The following SLC12A3 variants were observed in gnomAD, a reference collection of about 807,000 sequenced individuals.
The protein encoded by SLC12A3 is Na-Cl cotransporter.
SLC12A3 carries 104 observed loss-of-function variants against 121.0 expected under a neutral mutation model. That is an observed-to-expected ratio of 0.86 (90% CI 0.73 to 1.01). The LOEUF is 1.01. Ranked by LOEUF, SLC12A3 falls within the 50% of genes least tolerant of loss-of-function variation. SLC12A3 has a pLI of 0.00. For missense variants in SLC12A3, 1,328 were observed against 1,356.3 expected (o/e 0.98, Z 0.33); for synonymous variants, 536 against 533.4 (o/e 1.00, Z -0.07).
chr16:56,899,534 A>G lies in SLC12A3; in HGVS notation c.2638A>G (p.Ile880Val), dbSNP rs761132739. ...NRMDQERKAI[I>V]SLLSKFRLGF... The stretch of plus-strand genomic sequence containing the variant: ...AACCCTCCATGTGTCCTCCAGGATC[A>G]TTTCTCTGCTGAGCAAGTTCCGACT... Residue 880 changes from isoleucine to valine, a missense_variant, in exon 23 of 26, where the codon ATT becomes GTT. Ile to Val is a conservative substitution (Grantham distance 29, BLOSUM62 3). Coordinates refer to ENST00000563236, the MANE Select transcript of SLC12A3 (RefSeq NM_001126108.2). 1 of 1,613,024 alleles carries G rather than the reference A, an allele frequency of 6.2e-7. No individual in the cohort carries two copies. The highest frequency in any genetic ancestry group is 8.5e-7 in the Non-Finnish European group (1 of 1,178,942).
At position 56,887,003 on chromosome 16, in the gene SLC12A3, C is replaced by CTG. The variant is rs1567437950; in HGVS notation, c.2088_2089insTG (p.Thr697Ter). 1 of 1,613,936 alleles carries CTG rather than the reference C, an allele frequency of 6.2e-7. No homozygotes were observed. Among genetic ancestry groups the CTG allele is most frequent in the Admixed American group, 1.7e-5 (1 of 60,008 alleles). On this transcript the variant is annotated frameshift_variant, in exon 17 of 26. Coordinates refer to ENST00000563236, the MANE Select transcript of SLC12A3 (RefSeq NM_001126108.2). LOFTEE classifies it high-confidence loss of function. ...AGCTCCAGCTCATCGCCAACGGGCACACCAAGTGGCTGAACAAGAGGAAGA... is the reference window on the plus strand; with the variant it reads ...AGCTCCAGCTCATCGCCAACGGGCACTGACCAAGTGGCTGAACAAGAGGAAGA...
intron 23 of SLC12A3, among the ~76,000 whole-genome samples, 191 bp downstream of exon 23, chr16:56,899,807 G>A (rs2055514561): frequency 6.6e-6 from 1 of 152,242 alleles, no homozygotes; most frequent in African/African-American, 2.4e-5. Context: ...GGGGCTGAGG[G>A]GACCACAGGG....
chr16:56,911,683 TC>T (rs5817081), intron 25 of SLC12A3, among the ~76,000 whole-genome samples: 63,614 of 151,856 alleles, frequency 0.42, 14,311 homozygotes, highest in African/African-American at 0.6. Context: ...GGATGGAACT[TC>T]CAAGTGTGAC....
At chr16:56,899,065 C>T (rs151152986) in intron 22 of SLC12A3, among the ~76,000 whole-genome samples, 1 of 152,310 alleles carries the variant, frequency 6.6e-6, no homozygotes, top group African/African-American at 2.4e-5. Flanking sequence ...ATTACTTTTC[C>T]GTTTCACTTG....
chr16:56,880,580 G>A lies in SLC12A3; in HGVS notation c.1567+327G>A, dbSNP rs376428431. On this transcript the variant is annotated intron_variant, in intron 12 of 25. Coordinates refer to ENST00000563236, the MANE Select transcript of SLC12A3 (RefSeq NM_001126108.2). ...TGGCAGCTAGCATCCCCCTCCCCAGGCCTAAATGAACCCCAGAACACCTTT... is the reference window on the plus strand; with the variant it reads ...TGGCAGCTAGCATCCCCCTCCCCAGACCTAAATGAACCCCAGAACACCTTT... Among the ~76,000 whole-genome samples the A allele has an allele frequency of 1.8e-4, 28 of 152,086 alleles. 2 individuals are homozygous for A. The highest frequency in any genetic ancestry group is 1.4e-3 in the Admixed American group (22 of 15,258).
chr16:56,912,402 C>A (rs2055698123), intron 25 of SLC12A3, among the ~76,000 whole-genome samples: 1 of 152,236 alleles, frequency 6.6e-6, no homozygotes, highest in Admixed American at 6.5e-5. Flanking sequence ...ACAGTTAAGA[C>A]AAGGGGCCTC....
intron 20 of SLC12A3, among the ~76,000 whole-genome samples, chr16:56,892,609 ATCAC>A (rs770399881): frequency 1.3e-4 from 20 of 152,168 alleles, no homozygotes; most frequent in Admixed American, 2.0e-4. Flanking sequence ...CTCTCCCACC[ATCAC>A]TCCGGGAGAC....
At chr16:56,891,913 C>CGGGCAGGAGGCAGGTCAGAGGG (rs1422893066) in intron 19 of SLC12A3, among the ~76,000 whole-genome samples, 170 bp from the exon 20 acceptor site, 1 of 152,130 alleles carries the variant, frequency 6.6e-6, no homozygotes, top group South Asian at 2.1e-4. Context: ...TGTGAGGAGC[C>CGGGCAGGAGGCAGGTCAGAGGG]GGGCAGGAGG....
rs1234889876 is a variant in SLC12A3 at position 56,908,175 on chromosome 16, T to TC, written c.2924+3713_2924+3714insC. ...TAGTGATATAACTTTTTTTTTTTTT[T>TC]TTTTTGAGGCAGAGTCACTCTGTCA... On this transcript the variant is annotated intron_variant, in intron 25 of 25. Coordinates refer to ENST00000563236, the MANE Select transcript of SLC12A3 (RefSeq NM_001126108.2). 5.5e-4 allele frequency among the ~76,000 whole-genome samples: 81 copies of TC among 147,528 alleles called. 2 individuals carry two copies. The highest frequency in any genetic ancestry group is 9.1e-4 in the Non-Finnish European group (61 of 66,938).
intron 25 of SLC12A3, among the ~76,000 whole-genome samples, chr16:56,907,500 C>A (rs1423404405): frequency 6.6e-6 from 1 of 152,340 alleles, no homozygotes; most frequent in South Asian, 2.1e-4. Flanking sequence ...CAGCAGTTTT[C>A]AGAAATCATG....
At chr16:56,909,089 AT>A (rs1230396848) in intron 25 of SLC12A3, among the ~76,000 whole-genome samples, 1 of 152,222 alleles carries the variant, frequency 6.6e-6, no homozygotes, top group Non-Finnish European at 1.5e-5. Context: ...TCATGCTAAC[AT>A]GCTGTGATTC....
In SLC12A3 at chr16:56,914,831, G is replaced by A. The variant is rs1378146101; in HGVS notation, c.*1426G>A. On this transcript the variant is annotated 3_prime_UTR_variant, in exon 26 of 26. Coordinates refer to ENST00000563236, the MANE Select transcript of SLC12A3 (RefSeq NM_001126108.2). Reference sequence around the variant, plus strand: ...GTGTAGAGATGGCAAGGTTGGCAAGGAACAGATAGGCAGGAGCAGGTCCAA... The same window carrying A: ...GTGTAGAGATGGCAAGGTTGGCAAGAAACAGATAGGCAGGAGCAGGTCCAA... 1 of 152,104 alleles carries A rather than the reference G, an allele frequency of 6.6e-6. No homozygotes were observed. Among genetic ancestry groups the A allele is most frequent in the African/African-American group, 2.4e-5 (1 of 41,314 alleles). The allele number at this position is 152,104 out of a possible 1,614,324, so 9.4% of individuals were successfully genotyped here.
chr16:56,901,680 G>A (rs1468858802), intron 23 of SLC12A3, among the ~76,000 whole-genome samples: 11 of 138,018 alleles, frequency 8.0e-5, no homozygotes, highest in African/African-American at 2.7e-4. Flanking sequence ...GAGTCACATC[G>A]CACAGAAGAC....
At position 56,867,116 on chromosome 16, in the gene SLC12A3, G is replaced by A. The variant is rs776015139; in HGVS notation, c.329G>A (p.Ser110Asn). ...LHALAFDSRPSHEMTDGLVEG... is the reference protein window; with the variant it reads ...LHALAFDSRPNHEMTDGLVEG... ...GCCCTGGCCTTTGACAGCCGGCCCA[G>A]CCACGAGATGACTGATGGGCTGGTG... Residue 110 changes from serine to asparagine, a missense_variant, in exon 2 of 26, where the codon AGC (serine) becomes AAC (asparagine). Ser to Asn is a conservative substitution (Grantham distance 46). Coordinates refer to ENST00000563236, the MANE Select transcript of SLC12A3 (RefSeq NM_001126108.2). 1 of 1,614,032 alleles carries A rather than the reference G, an allele frequency of 6.2e-7. No individual in the cohort carries two copies. Among genetic ancestry groups the A allele is most frequent in the South Asian group, 1.1e-5 (1 of 91,086 alleles).
chr16:56,890,352 G>T lies in SLC12A3; in HGVS notation c.2364G>T (p.Ala788=). ...TCAACGTGTCCAAGATGATGCAGGC[G>T]CACAGTGAGTACATGCCCCACCCAC... The part of the protein sequence containing the change: ...EGLNVSKMMQ[A]HINPVFDPAE... Residue 788 remains alanine, a synonymous_variant, in exon 19 of 26, where the codon GCG becomes GCT. Transcript: ENST00000563236. 2 of 1,613,538 alleles carry T rather than the reference G, an allele frequency of 1.2e-6. No homozygotes were observed. Among genetic ancestry groups the T allele is most frequent in the Non-Finnish European group, 1.7e-6 (2 of 1,179,458 alleles).
Position 56,913,949 on chromosome 16 carries a change from G to C in SLC12A3, c.*544G>C, listed in dbSNP as rs1444498562. 6.5e-6 allele frequency: 1 copy of C among 153,074 alleles called. No homozygotes were observed. Among genetic ancestry groups the C allele is most frequent in the Non-Finnish European group, 1.5e-5 (1 of 68,888 alleles). 9.5% of individuals were successfully genotyped at this position (153,074 alleles called of 1,614,324 possible). A position where few individuals can be genotyped will look rare whatever the true frequency, so the allele number is the denominator to read the frequency against. On this transcript the variant is annotated 3_prime_UTR_variant, in exon 26 of 26. Coordinates refer to ENST00000563236, the MANE Select transcript of SLC12A3 (RefSeq NM_001126108.2). Reference sequence around the variant, plus strand: ...TTTTTTAGATGAAGTTTTTTCTCTTGTTGCCCAGGCTAGGGTGTAATGGCA... The same window carrying C: ...TTTTTTAGATGAAGTTTTTTCTCTTCTTGCCCAGGCTAGGGTGTAATGGCA...
At chr16:56,883,927 G>C in intron 13 of SLC12A3, 122 bp from the exon 14 acceptor site, 1 of 1,080,562 alleles carries the variant, frequency 9.3e-7, no homozygotes. Flanking sequence ...TGGCTGGTGG[G>C]TACAGGCTGG....
intron 25 of SLC12A3, among the ~76,000 whole-genome samples, chr16:56,908,981 A>G (rs752080182): frequency 3.3e-5 from 5 of 152,212 alleles, no homozygotes; most frequent in Non-Finnish European, 7.3e-5. Context: ...TGTCTATGCG[A>G]TTAGCCCACT....
At chr16:56,874,500 A>G (rs1249357388) in intron 8 of SLC12A3, among the ~76,000 whole-genome samples, 1 of 152,134 alleles carries the variant, frequency 6.6e-6, no homozygotes, top group Non-Finnish European at 1.5e-5. Flanking sequence ...TTCTTAAGCA[A>G]ATTAAGAGCT....
Sources: allele counts gnomAD v4.1 joint callset (sites outside exome capture counted in the v4.1 genomes callset), GRCh38; gene constraint gnomAD v4.1.1; transcripts MANE v1.5; gene names NCBI Gene and HGNC (gene_info 2026-07-23, HGNC 2026-07-21).